Variants in RBM41 observed in about 807,000 individuals in gnomAD.
The protein encoded by RBM41 is RNA binding motif protein 41, also known as RNA-binding protein 41.
A neutral mutation model predicts 30.8 loss-of-function variants in RBM41; 14 were observed. The observed-to-expected ratio is 0.45, with a 90% CI of 0.30 to 0.71. RBM41 has a LOEUF of 0.71. Among genes scored for constraint, RBM41 ranks in the 30% least tolerant of loss-of-function variants. The pLI is 0.08. For synonymous variants in RBM41, 120 were observed against 110.1 expected, an observed-to-expected ratio of 1.09 and a Z score of -0.56; for missense variants, 276 against 326.3, an observed-to-expected ratio of 0.85 and a Z score of 1.19.
intron 5 of RBM41, among the ~76,000 whole-genome samples, chrX:107,105,027 G>A (rs1923826557): frequency 9.1e-6 from 1 of 110,078 alleles, no homozygotes; most frequent in Non-Finnish European, 1.9e-5. Context: ...GGGCAATCAG[G>A]CAGGAGAAAG....
At chrX:107,072,830 C>T (rs770975583) in intron 6 of RBM41, among the ~76,000 whole-genome samples, 1 of 110,918 alleles carries the variant, frequency 9.0e-6, no homozygotes, top group East Asian at 2.8e-4. Context: ...AACTCAGAAA[C>T]TGACCCATGT....
chrX:107,116,125 A>T (rs915061980), intron 2 of RBM41, 71 bp from the exon 3 acceptor site: 1 of 1,018,783 alleles, frequency 9.8e-7, no homozygotes, highest in Non-Finnish European at 1.3e-6. Context: ...GAGGTTCAGC[A>T]CTGTAAGAGG....
chrX:107,116,301 C>T, intron 2 of RBM41: 1 of 901,289 alleles, frequency 1.1e-6, no homozygotes, highest in Non-Finnish European at 1.4e-6. Context: ...CTGCTAGGTA[C>T]TAAGGATTTA....
chrX:107,094,853 A>C (rs1310445780), intron 5 of RBM41, among the ~76,000 whole-genome samples: 1 of 111,323 alleles, frequency 9.0e-6, no homozygotes, highest in Admixed American at 9.6e-5. Flanking sequence ...AGAGCCTCTA[A>C]AAGAAATGCA....
intron 5 of RBM41, among the ~76,000 whole-genome samples, chrX:107,111,430 G>C (rs1012404003): frequency 9.0e-6 from 1 of 110,943 alleles, no homozygotes; most frequent in Non-Finnish European, 1.9e-5. Flanking sequence ...CTCTTATCTT[G>C]TGCATTGCTG....
intron 5 of RBM41, among the ~76,000 whole-genome samples, chrX:107,097,822 G>A (rs993175440): frequency 1.8e-5 from 2 of 111,738 alleles, no homozygotes; most frequent in Admixed American, 1.9e-4. Flanking sequence ...AAAAGACCAC[G>A]TATTGTAAGA....
chrX:107,071,566 G>A (rs1432464217), intron 6 of RBM41, among the ~76,000 whole-genome samples: 5 of 111,802 alleles, frequency 4.5e-5, no homozygotes, highest in African/African-American at 1.6e-4. Context: ...TTGACTAAGG[G>A]AGATTTATCC....
intron 4 of RBM41, chrX:107,115,058 T>A: frequency 3.5e-6 from 1 of 283,517 alleles, no homozygotes; most frequent in Non-Finnish European, 6.2e-6. Flanking sequence ...AAATGCCCAT[T>A]GATCCATCAG....
At chrX:107,093,808 C>T (rs1354190397) in intron 5 of RBM41, among the ~76,000 whole-genome samples, 1 of 111,527 alleles carries the variant, frequency 9.0e-6, no homozygotes, top group Non-Finnish European at 1.9e-5. Flanking sequence ...AAAGCTGGTT[C>T]TTTGAAAAGT....
At chrX:107,108,141 G>A (rs1180537598) in intron 5 of RBM41, among the ~76,000 whole-genome samples, 2 of 111,549 alleles carry the variant, frequency 1.8e-5, no homozygotes, top group Non-Finnish European at 3.8e-5. Flanking sequence ...TCCCAGCATG[G>A]CCACTTAATA....
At chrX:107,088,366 A>G in intron 6 of RBM41, 70 bp downstream of exon 6, 1 of 989,692 alleles carries the variant, frequency 1.0e-6, no homozygotes, top group Non-Finnish European at 1.4e-6. Flanking sequence ...CTAATTTAAA[A>G]GTATTACTTT....
In RBM41 at chrX:107,096,875, TATACTC is replaced by T. The variant is rs1438404617; in HGVS notation, c.596-8042_596-8037del. Among the ~76,000 whole-genome samples, 3 of 112,053 alleles carry T rather than the reference TATACTC, an allele frequency of 2.7e-5. No homozygotes were observed. The East Asian group carries it at 8.4e-4, about 31-fold the overall frequency. ...ACTTGTATTCAGAATAAAGAATTCT[TATACTC>T]AGAAACAACCCAATCAAAAAATGGG... On this transcript the variant is annotated intron_variant, in intron 5 of 7. Coordinates refer to ENST00000685964, the MANE Select transcript of RBM41 (RefSeq NM_001324242.2).
chrX:107,072,844 T>C (rs1434271039), intron 6 of RBM41, among the ~76,000 whole-genome samples: 1 of 111,168 alleles, frequency 9.0e-6, no homozygotes, highest in Non-Finnish European at 1.9e-5. Context: ...CCCATGTATC[T>C]ACAGCCAACT....
intron 5 of RBM41, among the ~76,000 whole-genome samples, chrX:107,098,214 T>C (rs779974081): frequency 2.7e-5 from 3 of 112,011 alleles, no homozygotes; most frequent in South Asian, 3.8e-4. Flanking sequence ...CTCATAGATA[T>C]GTCAATTGAC....
intron 2 of RBM41, chrX:107,116,287 T>C (rs1420923413): frequency 1.1e-6 from 1 of 916,716 alleles, no homozygotes; most frequent in Non-Finnish European, 1.4e-6. Flanking sequence ...ATGCATCAGA[T>C]ACTCTGCTAG....
At chrX:107,079,018 T>C (rs1194029300) in intron 6 of RBM41, among the ~76,000 whole-genome samples, 1 of 111,385 alleles carries the variant, frequency 9.0e-6, no homozygotes, top group Non-Finnish European at 1.9e-5. Flanking sequence ...GCCCCAGTAT[T>C]AGAAGCAGCC....
Position 107,065,683 on chromosome X carries a change from T to C in RBM41, c.*1844A>G. On this transcript the variant is annotated 3_prime_UTR_variant, in exon 8 of 8. Transcript: ENST00000685964. ...CCTATTTCACGTTCTCTCCATTTGT[T>C]CCTGTGGATTTGTCTTACCATCTGG... 1 of 1,089,401 alleles carries C rather than the reference T, an allele frequency of 9.2e-7. No homozygotes were observed. The highest frequency in any genetic ancestry group is 1.2e-6 in the Non-Finnish European group (1 of 825,741). 89.8% of individuals were successfully genotyped at this position (1,089,401 alleles called of 1,213,427 possible).
At position 107,093,922 on chromosome X, in the gene RBM41, G is replaced by A. The variant is rs193193319; in HGVS notation, c.596-5083C>T. Among the ~76,000 whole-genome samples the A allele has an allele frequency of 2.0e-3, 224 of 111,557 alleles. 2 individuals are homozygous for A. Among genetic ancestry groups the A allele is most frequent in the Non-Finnish European group, 2.4e-3 (129 of 52,989 alleles). Reference sequence around the variant, plus strand: ...AGAGGAAGCATCACTACTAACTTTAGGGAATGAAAAACAATTATTTAGGAA... The same window carrying A: ...AGAGGAAGCATCACTACTAACTTTAAGGAATGAAAAACAATTATTTAGGAA... On this transcript the variant is annotated intron_variant, in intron 5 of 7. Coordinates refer to ENST00000685964, the MANE Select transcript of RBM41 (RefSeq NM_001324242.2).
downstream of RBM41, among the ~76,000 whole-genome samples, chrX:107,057,506 T>C (rs1035424922): frequency 5.4e-5 from 6 of 112,006 alleles, no homozygotes; most frequent in African/African-American, 1.9e-4. Flanking sequence ...GAGAAGACAC[T>C]TCATATTGTT....
Sources: gnomAD v4.1 joint callset for allele counts (sites outside exome capture counted in the v4.1 genomes callset) on GRCh38, gnomAD v4.1.1 for gene constraint, MANE v1.5 for transcripts, NCBI Gene and HGNC (gene_info 2026-07-23, HGNC 2026-07-21) for gene names.